RAD51B: variants seen among roughly 807,000 people sequenced by gnomAD.
RAD51B encodes RAD51 paralog B.
RAD51B carries 38 observed loss-of-function variants against 42.2 expected under a neutral mutation model. That is an observed-to-expected ratio of 0.90 (90% confidence interval 0.70 to 1.18). The LOEUF (loss-of-function observed/expected upper bound fraction) is 1.18. RAD51B is among the 50% of genes most tolerant of loss of function. The pLI, the probability that RAD51B is intolerant of heterozygous loss-of-function variation, is 0.00. For missense variants in RAD51B, 373 were observed against 400.7 expected (o/e 0.93, Z 0.59); for synonymous variants, 154 against 145.2 (o/e 1.06, Z -0.43).
At chr14:68,602,784 A>G (rs1372959754) in intron 10 of RAD51B, among the ~76,000 whole-genome samples, 1 of 152,158 alleles carries the variant, frequency 6.6e-6, no homozygotes. Context: ...CTAGCCTAAT[A>G]TTTGACGAGA....
intron 8 of RAD51B, among the ~76,000 whole-genome samples, chr14:68,312,828 A>C (rs972022600): frequency 6.6e-5 from 10 of 152,228 alleles, no homozygotes; most frequent in African/African-American, 2.2e-4. Context: ...AAAGAAATAG[A>C]GGGAGCAGCC....
intron 7 of RAD51B, among the ~76,000 whole-genome samples, chr14:67,999,095 A>G (rs1265717281): frequency 2.0e-5 from 3 of 151,974 alleles, no homozygotes; most frequent in Admixed American, 6.6e-5. Flanking sequence ...GCTTCCAGAC[A>G]GACATCAGGG....
intron 11 of RAD51B, chr14:68,683,003 C>A: frequency 1.0e-6 from 1 of 979,248 alleles, no homozygotes; most frequent in Non-Finnish European, 1.2e-6. Context: ...AGTCACGCAG[C>A]AGCATATCCT....
At chr14:68,665,304 T>C (rs755599840) in intron 11 of RAD51B, among the ~76,000 whole-genome samples, 5 of 152,258 alleles carry the variant, frequency 3.3e-5, no homozygotes, top group Non-Finnish European at 7.3e-5. Flanking sequence ...TATCTCAGGC[T>C]CCTCTGTTGC....
chr14:68,234,738 A>T (rs977935617), intron 7 of RAD51B, among the ~76,000 whole-genome samples: 1 of 152,180 alleles, frequency 6.6e-6, no homozygotes, highest in Admixed American at 6.5e-5. Flanking sequence ...TGAGTCAGTG[A>T]GTGCACGGTA....
At chr14:68,269,802 G>A (rs1427622620) in intron 7 of RAD51B, among the ~76,000 whole-genome samples, 1 of 152,210 alleles carries the variant, frequency 6.6e-6, no homozygotes, top group African/African-American at 2.4e-5. Flanking sequence ...TGAATTGGAA[G>A]TTATTTACCT....
downstream of RAD51B, among the ~76,000 whole-genome samples, chr14:68,615,059 G>T (rs1891797630): frequency 6.6e-6 from 1 of 152,130 alleles, no homozygotes; most frequent in Admixed American, 6.5e-5. Context: ...TTTTGGTAGA[G>T]ATGGGATTTC....
At chr14:68,546,177 C>A (rs905255263) in intron 10 of RAD51B, among the ~76,000 whole-genome samples, 1 of 152,124 alleles carries the variant, frequency 6.6e-6, no homozygotes, top group East Asian at 1.9e-4. Flanking sequence ...CCAGTTGATA[C>A]CATGGAGGGA....
At chr14:68,033,947 C>T (rs1167478521) in intron 7 of RAD51B, among the ~76,000 whole-genome samples, 1 of 152,068 alleles carries the variant, frequency 6.6e-6, no homozygotes, top group East Asian at 1.9e-4. Flanking sequence ...TTCTTAGGAA[C>T]AATCACAGTC....
chr14:68,583,917 G>T (rs971442663), intron 10 of RAD51B, among the ~76,000 whole-genome samples: 1 of 152,124 alleles, frequency 6.6e-6, no homozygotes, highest in Non-Finnish European at 1.5e-5. Context: ...ACGGCTGGAG[G>T]TGAGCCAGAG....
intron 7 of RAD51B, among the ~76,000 whole-genome samples, chr14:68,022,253 G>A (rs1485014993): frequency 2.0e-5 from 3 of 152,092 alleles, no homozygotes; most frequent in African/African-American, 7.2e-5. Flanking sequence ...TTGCTGCAAA[G>A]GACATGATTT....
intron 7 of RAD51B, among the ~76,000 whole-genome samples, chr14:67,967,564 G>T (rs1233927399): frequency 2.0e-5 from 3 of 152,194 alleles, no homozygotes; most frequent in Admixed American, 2.0e-4. Context: ...AAACAAAGGG[G>T]CTACAGGGCC....
intron 9 of RAD51B, among the ~76,000 whole-genome samples, chr14:68,427,388 T>G (rs2084878481): frequency 6.6e-6 from 1 of 152,202 alleles, no homozygotes; most frequent in East Asian, 1.9e-4. Flanking sequence ...AGGGTGAGAC[T>G]AGCAAAGCCA....
intron 8 of RAD51B, among the ~76,000 whole-genome samples, chr14:68,404,360 A>T (rs2084204521): frequency 6.6e-6 from 1 of 152,188 alleles, no homozygotes; most frequent in Admixed American, 6.5e-5. Flanking sequence ...TTCCTAACCA[A>T]TTAGGTCATC....
At chr14:67,897,679 C>T (rs1282615100) in intron 7 of RAD51B, among the ~76,000 whole-genome samples, 1 of 148,758 alleles carries the variant, frequency 6.7e-6, no homozygotes, top group Non-Finnish European at 1.5e-5. Flanking sequence ...GATGGAGTTT[C>T]GCTCTTGCTA....
intron 8 of RAD51B, among the ~76,000 whole-genome samples, chr14:68,341,783 C>G (rs1422300710): frequency 2.0e-5 from 3 of 152,108 alleles, no homozygotes; most frequent in African/African-American, 7.2e-5. Flanking sequence ...TTTGTCTACC[C>G]CAGTGGCAGG....
At chr14:68,097,265 T>C (rs560568626) in intron 7 of RAD51B, among the ~76,000 whole-genome samples, 8 of 152,300 alleles carry the variant, frequency 5.3e-5, no homozygotes, top group African/African-American at 1.9e-4. Context: ...TTAAAACATT[T>C]GCCTCCCTAA....
At chr14:68,540,166 C>CTTTTTTTTTTTTTTTTTTTTT (rs11321834) in intron 10 of RAD51B, 1 of 459,048 alleles carries the variant, frequency 2.2e-6, no homozygotes, top group Non-Finnish European at 2.7e-6. Flanking sequence ...TACCCTGCTC[C>CTTTTTTTTTTTTTTTTTTTTT]TTTTTTTTTT....
chr14:68,250,304 C>G (rs1413901724), intron 7 of RAD51B, among the ~76,000 whole-genome samples: 17 of 152,160 alleles, frequency 1.1e-4, no homozygotes, highest in Admixed American at 1.1e-3. Context: ...GCAAATGTGC[C>G]TGCATTTTTA....
Sources: gnomAD v4.1 joint callset for allele counts (sites outside exome capture counted in the v4.1 genomes callset) on GRCh38, gnomAD v4.1.1 for gene constraint, MANE v1.5 for transcripts, NCBI Gene and HGNC (gene_info 2026-07-23, HGNC 2026-07-21) for gene names.